The following CNTNAP5 variants were observed in gnomAD, a reference collection of about 807,000 sequenced individuals.
The protein encoded by CNTNAP5 is contactin associated protein family member 5, also known as contactin-associated protein-like 5.
CNTNAP5 carries 72 observed loss-of-function variants against 150.2 expected under a neutral mutation model. The observed-to-expected ratio is 0.48, with a 90% CI of 0.40 to 0.58. The LOEUF (loss-of-function observed/expected upper bound fraction) is 0.58. Among genes scored for constraint, CNTNAP5 ranks in the 20% least tolerant of loss-of-function variants. CNTNAP5 has a pLI of 0.00. For synonymous variants in CNTNAP5, 672 were observed against 619.8 expected, an observed-to-expected ratio of 1.08 and a Z score of -1.25; for missense variants, 1,636 against 1,626.2, an observed-to-expected ratio of 1.01 and a Z score of -0.10.
intron 2 of CNTNAP5, among the ~76,000 whole-genome samples, chr2:124,236,855 G>T (rs888570248): frequency 6.6e-6 from 1 of 152,056 alleles, no homozygotes; most frequent in Non-Finnish European, 1.5e-5. Context: ...GGCCAGGCAT[G>T]GTGGCTCATG....
chr2:124,851,501 G>C (rs903314448), intron 19 of CNTNAP5, among the ~76,000 whole-genome samples: 1 of 152,200 alleles, frequency 6.6e-6, no homozygotes, highest in South Asian at 2.1e-4. Context: ...TGATAACGAT[G>C]AGAAGGAAAG....
At chr2:124,691,681 G>A (rs941152715) in intron 13 of CNTNAP5, among the ~76,000 whole-genome samples, 2 of 151,970 alleles carry the variant, frequency 1.3e-5, no homozygotes, top group African/African-American at 4.8e-5. Context: ...GCGTTTCATG[G>A]GTGAATTAAT....
chr2:124,691,367 A>C (rs1679297439), intron 13 of CNTNAP5, among the ~76,000 whole-genome samples: 1 of 151,894 alleles, frequency 6.6e-6, no homozygotes, highest in East Asian at 1.9e-4. Flanking sequence ...GGCTTTGGAG[A>C]AAAGGGATTC....
chr2:124,558,662 T>A (rs1695814824), intron 10 of CNTNAP5, among the ~76,000 whole-genome samples: 2 of 152,224 alleles, frequency 1.3e-5, no homozygotes, highest in Admixed American at 1.3e-4. Context: ...CAGACTGCAT[T>A]TCCCTGAACT....
intron 1 of CNTNAP5, among the ~76,000 whole-genome samples, chr2:124,040,650 T>TGTGC (rs1315254982): frequency 4.0e-5 from 6 of 151,750 alleles, no homozygotes; most frequent in African/African-American, 1.5e-4. Flanking sequence ...TGTGTGTGTG[T>TGTGC]GTGTGTAACA....
chr2:124,098,966 C>T (rs932549058), intron 1 of CNTNAP5, among the ~76,000 whole-genome samples: 2 of 152,124 alleles, frequency 1.3e-5, no homozygotes, highest in Admixed American at 6.5e-5. Flanking sequence ...TACTAACATC[C>T]ACCATTTATT....
chr2:124,674,753 G>C (rs2105061733), intron 13 of CNTNAP5, among the ~76,000 whole-genome samples: 1 of 151,712 alleles, frequency 6.6e-6, no homozygotes, highest in Admixed American at 6.6e-5. Context: ...TTGGTTATTT[G>C]GAAGTGTACT....
intron 19 of CNTNAP5, among the ~76,000 whole-genome samples, chr2:124,820,897 C>T (rs552234583): frequency 1.1e-4 from 17 of 152,184 alleles, no homozygotes; most frequent in Non-Finnish European, 2.2e-4. Flanking sequence ...TCAAAGCCCC[C>T]GGTTGAAGCA....
intron 14 of CNTNAP5, among the ~76,000 whole-genome samples, chr2:124,753,643 G>A (rs1385931708): frequency 1.3e-5 from 2 of 152,060 alleles, no homozygotes; most frequent in African/African-American, 2.4e-5. Context: ...AAAAGGGCAG[G>A]GTTTTCTTAA....
intron 22 of CNTNAP5, 45 bp downstream of exon 22, chr2:124,903,145 A>G: frequency 1.6e-6 from 2 of 1,241,574 alleles, no homozygotes; most frequent in Non-Finnish European, 2.2e-6. Context: ...CACTAGCACT[A>G]CTTTTTGTGT....
At chr2:124,359,449 T>C (rs1367556494) in intron 3 of CNTNAP5, among the ~76,000 whole-genome samples, 2 of 152,052 alleles carry the variant, frequency 1.3e-5, no homozygotes, top group Non-Finnish European at 2.9e-5. Context: ...TTTAGTGCTA[T>C]AAATTTCCCT....
chr2:124,241,868 G>A (rs1686895898), intron 2 of CNTNAP5, among the ~76,000 whole-genome samples: 1 of 152,094 alleles, frequency 6.6e-6, no homozygotes, highest in African/African-American at 2.4e-5. Context: ...ATATATATCT[G>A]CAATCAAAGG....
At chr2:124,126,858 A>C (rs1683716795) in intron 1 of CNTNAP5, among the ~76,000 whole-genome samples, 1 of 152,192 alleles carries the variant, frequency 6.6e-6, no homozygotes, top group Admixed American at 6.5e-5. Context: ...AAAATTCAAC[A>C]ATCCTTCATG....
intron 2 of CNTNAP5, among the ~76,000 whole-genome samples, chr2:124,235,555 TG>T (rs1686726692): frequency 6.6e-6 from 1 of 152,090 alleles, no homozygotes; most frequent in African/African-American, 2.4e-5. Flanking sequence ...CCTATCCCAC[TG>T]GGATGAAACT....
chr2:124,354,857 T>C (rs1326478439), intron 3 of CNTNAP5, among the ~76,000 whole-genome samples: 1 of 152,086 alleles, frequency 6.6e-6, no homozygotes, highest in Non-Finnish European at 1.5e-5. Flanking sequence ...ATGTAGAGTT[T>C]TCGTCAATAA....
At chr2:124,225,764 A>G (rs1252170006) in intron 2 of CNTNAP5, among the ~76,000 whole-genome samples, 1 of 152,152 alleles carries the variant, frequency 6.6e-6, no homozygotes, top group Non-Finnish European at 1.5e-5. Flanking sequence ...ACCTTGATCA[A>G]CATCTCTCCA....
chr2:124,337,860 C>G (rs1689515097), intron 3 of CNTNAP5, among the ~76,000 whole-genome samples: 1 of 152,044 alleles, frequency 6.6e-6, no homozygotes, highest in East Asian at 1.9e-4. Flanking sequence ...GATGCGGGCT[C>G]TTTTTTGGTT....
At chr2:124,880,457 A>C (rs1032365736) in intron 21 of CNTNAP5, among the ~76,000 whole-genome samples, 1 of 152,146 alleles carries the variant, frequency 6.6e-6, no homozygotes, top group Non-Finnish European at 1.5e-5. Context: ...CTAATCAATC[A>C]TATATAAGAC....
rs550835387 is a variant in CNTNAP5, at chr2:124,882,345, G to A, written c.3436+12583G>A. On this transcript the variant is annotated intron_variant, in intron 21 of 23. Transcript: ENST00000682447. ...CACCAGGTGTGCTGAGATGACAGGA[G>A]GGGGGTGTGGGATTGTTTATTCCCT... Among the ~76,000 whole-genome samples the A allele has an allele frequency of 3.9e-5, 6 of 152,210 alleles. No homozygotes were observed. The South Asian group carries it at 6.2e-4, about 16-fold the overall frequency.
Sources: gnomAD v4.1 joint callset for allele counts (sites outside exome capture counted in the v4.1 genomes callset) on GRCh38, gnomAD v4.1.1 for gene constraint, MANE v1.5 for transcripts, NCBI Gene and HGNC (gene_info 2026-07-23, HGNC 2026-07-21) for gene names.